The following FUT8 variants were observed in gnomAD, a reference collection of about 807,000 sequenced individuals.
The protein encoded by FUT8 is fucosyltransferase 8.
In FUT8, 29 loss-of-function variants were observed where a neutral mutation model predicts 71.3. The ratio of observed to expected loss-of-function variants is 0.41; its 90% CI spans 0.30 to 0.55. The LOEUF (loss-of-function observed/expected upper bound fraction) is 0.55, where lower values mean the gene tolerates loss of function less well. FUT8 is among the 20% of genes least tolerant of loss of function. The pLI is 0.34. For missense variants in FUT8, 544 were observed against 702.1 expected, an observed-to-expected ratio of 0.77 and a Z score of 2.55; for synonymous variants, 254 against 239.3, an observed-to-expected ratio of 1.06 and a Z score of -0.57.
Position 65,743,171 on chromosome 14 carries a change from A to G in FUT8, c.*761A>G, listed in dbSNP as rs1261530699. ...TGTAAAGTTTCTAGAATTTTATATCATTGGATGATATGTTGATCAGCCTTA... is the reference window on the plus strand; with the variant it reads ...TGTAAAGTTTCTAGAATTTTATATCGTTGGATGATATGTTGATCAGCCTTA... On this transcript the variant is annotated 3_prime_UTR_variant, in exon 11 of 11. Transcript: ENST00000673929. 6.6e-6 allele frequency: 1 copy of G among 152,320 alleles called. No homozygotes were observed. The highest frequency in any genetic ancestry group is 1.5e-5 in the Non-Finnish European group (1 of 67,912). The allele number at this position is 152,320 out of a possible 1,614,324, so 9.4% of individuals were successfully genotyped here.
chr14:65,642,675 AC>A (rs1476779365), intron 6 of FUT8, among the ~76,000 whole-genome samples: 1 of 151,310 alleles, frequency 6.6e-6, no homozygotes, highest in Non-Finnish European at 1.5e-5. Flanking sequence ...TGTTAGTACC[AC>A]ACTGTCTTGG....
In FUT8 at chr14:65,742,365, G is replaced by T. The variant is rs1310837180; in HGVS notation, c.1683G>T (p.Lys561Asn). The change falls in exon 11 of 11, where the codon AAG becomes AAT. Residue 561 changes from lysine (K) to asparagine (N), a missense_variant. Lys to Asn is a moderately conservative substitution (Grantham distance 94). Transcript: ENST00000673929. ...ATCCCTCCTACAAAGTTCGAGAGAA[G>T]ATAGAAACGGTCAAGTACCCCACAT... is the stretch of plus-strand genomic sequence containing the variant. ...GLYPSYKVRE[K>N]IETVKYPTYP... The T allele has an allele frequency of 1.2e-6, 2 of 1,612,554 alleles. No homozygotes were observed. Among genetic ancestry groups the T allele is most frequent in the Non-Finnish European group, 1.7e-6 (2 of 1,179,144 alleles).
intron 7 of FUT8, among the ~76,000 whole-genome samples, chr14:65,707,593 G>A (rs780642176): frequency 4.0e-5 from 6 of 151,866 alleles, no homozygotes; most frequent in Non-Finnish European, 5.9e-5. Context: ...AGCTTTTCCC[G>A]TTTTCTTCCT....
At chr14:65,522,610 ATGTG>A (rs1883157993) in intron 2 of FUT8, among the ~76,000 whole-genome samples, 1 of 152,172 alleles carries the variant, frequency 6.6e-6, no homozygotes, top group African/African-American at 2.4e-5. Context: ...TCCAGGGTAC[ATGTG>A]CGCGACGTGC....
At chr14:65,612,821 T>G (rs1324613844) in intron 3 of FUT8, among the ~76,000 whole-genome samples, 1 of 152,208 alleles carries the variant, frequency 6.6e-6, no homozygotes. Context: ...ACATCTAACC[T>G]GGATTTTGAG....
At chr14:65,473,550 T>C (rs1214327904) in intron 2 of FUT8, among the ~76,000 whole-genome samples, 1 of 152,220 alleles carries the variant, frequency 6.6e-6, no homozygotes, top group African/African-American at 2.4e-5. Context: ...GTGATAAAAA[T>C]GATCTCCTAT....
At chr14:65,487,871 AGGCT>A (rs1375519260) in intron 2 of FUT8, among the ~76,000 whole-genome samples, 2 of 152,160 alleles carry the variant, frequency 1.3e-5, no homozygotes, top group Admixed American at 1.3e-4. Context: ...TCTGTTGCCC[AGGCT>A]GGAGTACAGT....
At chr14:65,523,928 C>G (rs1223055090) in intron 2 of FUT8, among the ~76,000 whole-genome samples, 4 of 152,130 alleles carry the variant, frequency 2.6e-5, no homozygotes, top group Non-Finnish European at 5.9e-5. Flanking sequence ...TTCCATTGAT[C>G]TATATCTCTG....
At chr14:65,629,639 G>A in intron 6 of FUT8, 33 bp downstream of exon 6, 2 of 1,420,070 alleles carry the variant, frequency 1.4e-6, no homozygotes, top group Non-Finnish European at 2.0e-6. Context: ...AAATTTGAGT[G>A]AAAAAAAGAA....
intron 2 of FUT8, among the ~76,000 whole-genome samples, chr14:65,530,946 C>A: frequency 6.9e-6 from 1 of 143,962 alleles, no homozygotes; most frequent in Non-Finnish European, 1.5e-5. Context: ...AATATAAGAC[C>A]AATTTTTTTA....
chr14:65,724,695 C>G (rs1895591079), intron 9 of FUT8, among the ~76,000 whole-genome samples: 1 of 152,090 alleles, frequency 6.6e-6, no homozygotes, highest in Admixed American at 6.5e-5. Context: ...TTTGTTTCTC[C>G]CAGGTCTGAG....
At chr14:65,454,981 A>G (rs370748769) in intron 1 of FUT8, among the ~76,000 whole-genome samples, 10 of 152,196 alleles carry the variant, frequency 6.6e-5, no homozygotes, top group African/African-American at 2.4e-4. Flanking sequence ...AATGGAGTAT[A>G]GAATGATTAT....
At chr14:65,625,511 T>C (rs975742885) in intron 5 of FUT8, among the ~76,000 whole-genome samples, 2 of 152,244 alleles carry the variant, frequency 1.3e-5, no homozygotes, top group African/African-American at 4.8e-5. Context: ...AGCCAAAGTC[T>C]CTTTCATGAA....
intron 1 of FUT8, among the ~76,000 whole-genome samples, chr14:65,437,435 T>C (rs566059517): frequency 2.0e-4 from 31 of 152,310 alleles, no homozygotes; most frequent in African/African-American, 7.0e-4. Context: ...TATACTATTA[T>C]ATTTTCTGTA....
At chr14:65,599,011 G>A (rs543981720) in intron 3 of FUT8, among the ~76,000 whole-genome samples, 10 of 152,030 alleles carry the variant, frequency 6.6e-5, no homozygotes, top group African/African-American at 1.5e-4. Flanking sequence ...GGATGGTCTC[G>A]ATCTCCTGAC....
chr14:65,362,747 G>T, the FUT8 span, among the ~76,000 whole-genome samples: 1 of 152,008 alleles, frequency 6.6e-6, no homozygotes, highest in Non-Finnish European at 1.5e-5. Context: ...TGAATCACAA[G>T]GTCAGGAGAT....
intron 6 of FUT8, among the ~76,000 whole-genome samples, chr14:65,633,613 G>C (rs1243015236): frequency 1.3e-5 from 2 of 150,288 alleles, no homozygotes; most frequent in Non-Finnish European, 3.0e-5. Context: ...TGAGATGTGG[G>C]GAGCGCCTCT....
rs929391538 is a variant in FUT8 at position 65,522,468 on chromosome 14, T to C, written c.-227-38869T>C. Among the ~76,000 whole-genome samples, 7 of 152,320 alleles carry C rather than the reference T, an allele frequency of 4.6e-5. No homozygotes were observed. The East Asian group carries it at 1.3e-3, about 29-fold the overall frequency. ...TTATTTGTTAGTATGTATCAAACTC[T>C]TATTTAATGAATGAGGAAAACATCA... is the stretch of plus-strand genomic sequence containing the variant. On this transcript the variant is annotated intron_variant, in intron 2 of 10. Transcript: ENST00000673929.
intron 3 of FUT8, among the ~76,000 whole-genome samples, chr14:65,608,063 C>A (rs369164318): frequency 8.6e-3 from 929 of 108,208 alleles, no homozygotes; most frequent in South Asian, 0.011. Flanking sequence ...GACTCCGTCT[C>A]AAAAAAAAAA....
Sources: allele counts gnomAD v4.1 joint callset (sites outside exome capture counted in the v4.1 genomes callset), GRCh38; gene constraint gnomAD v4.1.1; transcripts MANE v1.5; gene names NCBI Gene and HGNC (gene_info 2026-07-23, HGNC 2026-07-21).